Variants in TP53BP1 observed in about 807,000 individuals in gnomAD.
The protein encoded by TP53BP1 is tumor protein p53 binding protein 1, also known as TP53-binding protein 1.
A neutral mutation model predicts 200.8 loss-of-function variants in TP53BP1; 61 were observed. That is an observed-to-expected ratio of 0.30 (90% confidence interval 0.25 to 0.38). The LOEUF (loss-of-function observed/expected upper bound fraction) is 0.38, where lower values mean the gene tolerates loss of function less well. Among genes scored for constraint, TP53BP1 ranks in the 10% least tolerant of loss-of-function variants. The pLI, the probability that TP53BP1 is intolerant of heterozygous loss-of-function variation, is 1.00. For missense variants in TP53BP1, 2,144 were observed against 2,371.9 expected (o/e 0.90, Z 2.00); for synonymous variants, 822 against 844.3 (o/e 0.97, Z 0.46).
intron 11 of TP53BP1, among the ~76,000 whole-genome samples, chr15:43,462,216 C>CAAAAAAAAAAAAAAAAAAAAAAAAAAA (rs779088744): frequency 2.9e-5 from 1 of 34,098 alleles, no homozygotes; most frequent in Admixed American, 5.3e-4. Context: ...GACTTCATCT[C>CAAAAAAAAAAAAAAAAAAAAAAAAAAA]AAAAAAAAAA....
upstream of TP53BP1, among the ~76,000 whole-genome samples, chr15:43,495,534 A>ACACACACACAC (rs1566970727): frequency 9.7e-6 from 1 of 102,880 alleles, no homozygotes; most frequent in African/African-American, 4.0e-5. Context: ...CACACACACA[A>ACACACACACAC]AAGCCAGGTG....
At position 43,421,924 on chromosome 15, in the gene TP53BP1, CCT is replaced by C. The variant is rs2142992129; in HGVS notation, c.4029_4030del (p.Gly1344GlufsTer25). ...TGCGGGTTCTGTCCCGCTGGTTTTC[CCT>C]CTGAGTGGTCCGGCTCCTTTCCCTG... On this transcript the variant is annotated frameshift_variant, in exon 19 of 28. Transcript: ENST00000382044. LOFTEE classifies it high-confidence loss of function. 1 of 1,614,174 alleles carries C rather than the reference CCT, an allele frequency of 6.2e-7. No homozygotes were observed. The highest frequency in any genetic ancestry group is 8.5e-7 in the Non-Finnish European group (1 of 1,180,042).
chr15:43,490,872 CATT>C (rs1283512292), intron 4 of TP53BP1, among the ~76,000 whole-genome samples: 8 of 152,118 alleles, frequency 5.3e-5, no homozygotes, highest in Non-Finnish European at 1.2e-4. Flanking sequence ...GATTAAATAA[CATT>C]ATACTATATG....
intron 18 of TP53BP1, among the ~76,000 whole-genome samples, chr15:43,425,416 G>A (rs1248681281): frequency 2.0e-5 from 3 of 152,184 alleles, no homozygotes; most frequent in Non-Finnish European, 4.4e-5. Context: ...TGAGAACAGA[G>A]TTCAAGACCA....
chr15:43,470,213 G>C (rs2046692632), intron 10 of TP53BP1, 147 bp from the exon 11 acceptor site: 7 of 689,426 alleles, frequency 1.0e-5, no homozygotes, highest in Non-Finnish European at 1.7e-5. Flanking sequence ...CAGAATAATA[G>C]TAGACTGGGT....
chr15:43,498,242 C>A (rs527483173), intron 1 of TP53BP1, among the ~76,000 whole-genome samples: 1 of 152,288 alleles, frequency 6.6e-6, no homozygotes, highest in East Asian at 1.9e-4. Context: ...AGGGTATATA[C>A]ATGATCTCAA....
chr15:43,440,002 A>C (rs1315130334), intron 15 of TP53BP1, among the ~76,000 whole-genome samples: 1 of 152,230 alleles, frequency 6.6e-6, no homozygotes, highest in East Asian at 1.9e-4. Flanking sequence ...TAAATATACT[A>C]ATAGCCCAAT....
In TP53BP1 at chr15:43,474,662, A is replaced by C; in HGVS notation, c.1180+11T>G. On this transcript the variant is annotated intron_variant, in intron 10 of 27. Transcript: ENST00000382044. ...TAATCTGAGATCAACAGACAGATCA[A>C]GAGAGCTCACCTTGTCTCCCTTCTT... 6.3e-7 allele frequency: 1 copy of C among 1,586,716 alleles called. No homozygotes were observed. Among genetic ancestry groups the C allele is most frequent in the Non-Finnish European group, 8.6e-7 (1 of 1,156,170 alleles).
intron 22 of TP53BP1, 21 bp from the exon 23 acceptor site, chr15:43,415,830 C>G (rs1226707431): frequency 1.2e-6 from 2 of 1,608,632 alleles, no homozygotes; most frequent in Admixed American, 3.3e-5. Context: ...ATAAGCCAAA[C>G]AGGTTGGTCA....
At position 43,447,433 on chromosome 15, in the gene TP53BP1, C is replaced by T; in HGVS notation, c.2769G>A (p.Leu923=). 6.4e-7 allele frequency: 1 copy of T among 1,559,230 alleles called. No individual in the cohort carries two copies. The highest frequency in any genetic ancestry group is 8.6e-7 in the Non-Finnish European group (1 of 1,158,590). The change falls in exon 13 of 28, where the codon TTG becomes TTA. Residue 923 remains leucine, a synonymous_variant. Coordinates refer to ENST00000382044, the MANE Select transcript of TP53BP1 (RefSeq NM_001141980.3). ...LPKEGDIIPP[L]TGATPPLIGH... ...CAATAAGAGGTGGGGTTGCACCAGT[C>T]AATGGTGGGATGATATCACCTTCTT...
rs879233954 is a variant in TP53BP1 at position 43,480,900 on chromosome 15, G to T, written c.494C>A (p.Ala165Asp). The T allele has an allele frequency of 7.4e-6, 12 of 1,613,956 alleles. No individual in the cohort carries two copies. In the Admixed American group the frequency reaches 1.8e-4, roughly 25 times the overall value. Residue 165 changes from alanine to aspartate, a missense_variant, in exon 5 of 28, where the codon GCT (alanine) becomes GAT (aspartate). Around this residue, in one of 4 missense-constraint regions of TP53BP1, gnomAD observed 1,700 missense variants for 1,710.3 expected, o/e 0.99. Coordinates refer to ENST00000382044, the MANE Select transcript of TP53BP1 (RefSeq NM_001141980.3). The stretch of plus-strand genomic sequence containing the variant: ...TGAAAAAAGCACAAGGCTACCTTCA[G>T]CACCAAGGGAATGTGTAGTATTGCC... ...TSGNTTHSLG[A>D]EDTASSQLGF...
rs1381658265 is a variant in TP53BP1, at chr15:43,408,652, C to CTGACT, written c.5600+240_5600+244dup. The CTGACT allele has an allele frequency of 1.4e-5, 7 of 491,100 alleles. No individual in the cohort carries two copies. In the Admixed American group the frequency reaches 2.3e-4, roughly 16 times the overall value. The allele number at this position is 491,100 out of a possible 1,614,324, so 30.4% of individuals were successfully genotyped here. A position where few individuals can be genotyped will look rare whatever the true frequency, so the allele number is the denominator to read the frequency against. ...TAATGCTTGCTTAAAACTTAGTTCT[C>CTGACT]TGACTTTACAGGTTGAGAATATTGA... On this transcript the variant is annotated intron_variant, in intron 26 of 27. Coordinates refer to ENST00000382044, the MANE Select transcript of TP53BP1 (RefSeq NM_001141980.3).
intron 5 of TP53BP1, 81 bp downstream of exon 5, chr15:43,480,810 TAAAG>T: frequency 1.4e-6 from 2 of 1,452,640 alleles, no homozygotes; most frequent in South Asian, 2.6e-5. Flanking sequence ...TGCAACCTAA[TAAAG>T]AGGAGAAATT....
rs1160505831 is a variant in TP53BP1 at position 43,432,626 on chromosome 15, T to C, written c.3243A>G (p.Lys1081=). The C allele has an allele frequency of 6.2e-7, 1 of 1,610,926 alleles. No homozygotes were observed. ...PSSQGEEEKE[K]LEGDHTIRQS... ...GCCTGATTGTATGGTCACCCTCCAA[T>C]TTTTCTTTCTCCTCTTCTCCTTGAG... is the stretch of plus-strand genomic sequence containing the variant. Residue 1081 remains lysine (K), a synonymous_variant, in exon 17 of 28, where the codon AAA becomes AAG. Coordinates refer to ENST00000382044, the MANE Select transcript of TP53BP1 (RefSeq NM_001141980.3).
intron 14 of TP53BP1, among the ~76,000 whole-genome samples, chr15:43,442,363 G>A (rs1194419786): frequency 6.6e-6 from 1 of 151,846 alleles, no homozygotes; most frequent in African/African-American, 2.4e-5. Context: ...TGGGATTACA[G>A]GCAAGAGCCA....
intron 16 of TP53BP1, among the ~76,000 whole-genome samples, chr15:43,436,622 A>G (rs1267167225): frequency 6.7e-6 from 1 of 150,016 alleles, no homozygotes; most frequent in Non-Finnish European, 1.5e-5. Context: ...CCACAAGCGC[A>G]TGCCACCACA....
At chr15:43,472,409 T>G (rs974480798) in intron 10 of TP53BP1, among the ~76,000 whole-genome samples, 2 of 152,188 alleles carry the variant, frequency 1.3e-5, no homozygotes, top group Non-Finnish European at 2.9e-5. Context: ...TCGTAAGAAC[T>G]TAGAAACATC....
chr15:43,415,202 CTTT>C (rs763958465), intron 23 of TP53BP1: 121 of 187,198 alleles, frequency 6.5e-4, no homozygotes, highest in South Asian at 1.7e-3. Context: ...TCCTGGCCTT[CTTT>C]TTTTTTTTTT....
In TP53BP1 at chr15:43,456,282, A is replaced by G; in HGVS notation, c.2326T>C (p.Ser776Pro). The change falls in exon 12 of 28, where the codon TCT (serine) becomes CCT (proline). Residue 776 changes from serine to proline, a missense_variant. Physicochemically the swap from Ser to Pro is moderately conservative, Grantham distance 74. Coordinates refer to ENST00000382044, the MANE Select transcript of TP53BP1 (RefSeq NM_001141980.3). ...VKEPSPRVDVSCEPLEGVEKC... is the reference protein window; with the variant it reads ...VKEPSPRVDVPCEPLEGVEKC... ...TCCACTCCCTCCAAAGGTTCACAAG[A>G]AACATCAACTCTGGGAGATGGCTCT... 1.2e-6 allele frequency: 2 copies of G among 1,614,194 alleles called. No individual in the cohort carries two copies. Among genetic ancestry groups the G allele is most frequent in the Non-Finnish European group, 8.5e-7 (1 of 1,180,054 alleles).
Sources: gnomAD v4.1 joint callset for allele counts (sites outside exome capture counted in the v4.1 genomes callset) on GRCh38, gnomAD v4.1.1 for gene constraint, gnomAD v4.1.1 regional missense constraint, MANE v1.5 for transcripts, NCBI Gene and HGNC (gene_info 2026-07-23, HGNC 2026-07-21) for gene names.